The following MDGA2 variants were observed in gnomAD, a reference collection of about 807,000 sequenced individuals.
MDGA2 encodes MAM domain containing glycosylphosphatidylinositol anchor 2, also known as MAM domain-containing glycosylphosphatidylinositol anchor protein 2.
Under a neutral mutation model 117.8 loss-of-function variants are expected in MDGA2, and 40 were observed. That is an observed-to-expected ratio of 0.34 (90% CI 0.26 to 0.44). The LOEUF (loss-of-function observed/expected upper bound fraction) is 0.44. Ranked by LOEUF, MDGA2 falls within the 20% of genes least tolerant of loss-of-function variation. MDGA2 has a pLI of 1.00. For synonymous variants in MDGA2, 452 were observed against 439.0 expected (o/e 1.03, Z -0.37); for missense variants, 1,123 against 1,250.6 (o/e 0.90, Z 1.54).
chr14:46,865,506 G>C (rs1202981607), intron 14 of MDGA2, among the ~76,000 whole-genome samples: 64 of 152,118 alleles, frequency 4.2e-4, no homozygotes, highest in Non-Finnish European at 6.8e-4. Context: ...TCTCTCACCA[G>C]TCCTATTCAA....
chr14:46,839,994 C>G (rs1453395979), downstream of MDGA2: 1 of 152,072 alleles, frequency 6.6e-6, no homozygotes, highest in Non-Finnish European at 1.5e-5. Flanking sequence ...GTATGTGGAG[C>G]ACTGAAGATT....
intron 2 of MDGA2, among the ~76,000 whole-genome samples, chr14:47,243,148 A>G (rs934160963): frequency 7.3e-5 from 11 of 151,700 alleles, no homozygotes; most frequent in African/African-American, 2.7e-4. Flanking sequence ...TGTTTAGCTC[A>G]GGGTTTGTAA....
rs113423334 is a variant in MDGA2 at position 47,125,386 on chromosome 14, C to G, written c.925+6328G>C. ...TTCCTCTAAACATGAAGAGAACTATCATGAATAGATAACAGTATACCAAAG... is the reference window on the plus strand; with the variant it reads ...TTCCTCTAAACATGAAGAGAACTATGATGAATAGATAACAGTATACCAAAG... On this transcript the variant is annotated intron_variant, in intron 5 of 16. Transcript: ENST00000399232. Among the ~76,000 whole-genome samples, 808 of 152,174 alleles carry G rather than the reference C, an allele frequency of 5.3e-3. 5 individuals are homozygous for G. Among genetic ancestry groups the G allele is most frequent in the African/African-American group, 0.019 (769 of 41,532 alleles).
intron 10 of MDGA2, among the ~76,000 whole-genome samples, chr14:46,894,924 A>G (rs1477661182): frequency 6.6e-6 from 1 of 152,190 alleles, no homozygotes; most frequent in East Asian, 1.9e-4. Flanking sequence ...CAGCAGGTGA[A>G]AGGACACCTC....
chr14:47,088,622 C>T (rs1402054443), intron 6 of MDGA2, among the ~76,000 whole-genome samples: 1 of 152,128 alleles, frequency 6.6e-6, no homozygotes, highest in African/African-American at 2.4e-5. Flanking sequence ...TTGATCAAAT[C>T]ATTCTGGGAA....
At chr14:47,403,421 T>C (rs1410568640) in intron 1 of MDGA2, among the ~76,000 whole-genome samples, 2 of 151,914 alleles carry the variant, frequency 1.3e-5, no homozygotes, top group African/African-American at 4.8e-5. Context: ...GAATGTTGGA[T>C]GATCACATTC....
intron 1 of MDGA2, among the ~76,000 whole-genome samples, chr14:47,501,874 A>G (rs1188023667): frequency 6.6e-6 from 1 of 152,196 alleles, no homozygotes; most frequent in Non-Finnish European, 1.5e-5. Flanking sequence ...TCTCGTTTAT[A>G]GTAGTTTTTG....
intron 1 of MDGA2, among the ~76,000 whole-genome samples, chr14:47,596,753 T>A (rs1392002151): frequency 6.6e-6 from 1 of 152,014 alleles, no homozygotes; most frequent in Non-Finnish European, 1.5e-5. Flanking sequence ...GTGGAGTGGT[T>A]TATTTAATTT....
intron 9 of MDGA2, among the ~76,000 whole-genome samples, chr14:46,941,097 A>G (rs1884984962): frequency 6.6e-6 from 1 of 152,204 alleles, no homozygotes; most frequent in African/African-American, 2.4e-5. Context: ...TAGAGCACAA[A>G]TAACTGCTCT....
chr14:47,451,462 G>C (rs1893239351), intron 1 of MDGA2, among the ~76,000 whole-genome samples: 1 of 152,066 alleles, frequency 6.6e-6, no homozygotes, highest in South Asian at 2.1e-4. Context: ...AAGCCACACA[G>C]ATAACAGGAT....
intron 2 of MDGA2, among the ~76,000 whole-genome samples, chr14:47,293,650 G>T (rs1283221798): frequency 6.6e-6 from 1 of 152,096 alleles, no homozygotes; most frequent in African/African-American, 2.4e-5. Context: ...TGTTGTGCTT[G>T]GCACTCTGTT....
At chr14:47,313,546 C>T (rs1889710128) in intron 1 of MDGA2, among the ~76,000 whole-genome samples, 1 of 152,174 alleles carries the variant, frequency 6.6e-6, no homozygotes, top group Admixed American at 6.5e-5. Context: ...ACTCTCCTGC[C>T]TCTGCCTCCC....
chr14:47,225,944 A>G (rs1886479267), intron 2 of MDGA2, among the ~76,000 whole-genome samples: 1 of 152,094 alleles, frequency 6.6e-6, no homozygotes, highest in East Asian at 1.9e-4. Flanking sequence ...GATGCAATTT[A>G]AAATATTTCT....
intron 2 of MDGA2, among the ~76,000 whole-genome samples, chr14:47,278,682 T>G (rs1013801432): frequency 6.6e-6 from 1 of 152,216 alleles, no homozygotes; most frequent in African/African-American, 2.4e-5. Flanking sequence ...TACTATTCAA[T>G]TTTTAAATTT....
chr14:47,063,475 G>C (rs78082112), intron 6 of MDGA2, among the ~76,000 whole-genome samples: 229 of 152,050 alleles, frequency 1.5e-3, no homozygotes, highest in Non-Finnish European at 2.5e-3. Flanking sequence ...GAAATGTGAT[G>C]AAATGTCCAT....
chr14:47,059,215 T>C (rs1386313083), intron 7 of MDGA2: 2 of 914,790 alleles, frequency 2.2e-6, no homozygotes, highest in South Asian at 2.8e-5. Context: ...CCATGTATTG[T>C]TTCGGCTATT....
chr14:47,664,934 A>G (rs1288450018), intron 1 of MDGA2, among the ~76,000 whole-genome samples: 2 of 152,180 alleles, frequency 1.3e-5, no homozygotes, highest in Non-Finnish European at 2.9e-5. Context: ...ACACACACAC[A>G]CTTCAGAATC....
intron 1 of MDGA2, among the ~76,000 whole-genome samples, chr14:47,356,814 A>G (rs919964994): frequency 1.3e-5 from 2 of 152,158 alleles, no homozygotes; most frequent in South Asian, 4.1e-4. Context: ...TAAACTTTGC[A>G]TTCTAAACAC....
chr14:47,615,949 G>A (rs1443601555), intron 1 of MDGA2, among the ~76,000 whole-genome samples: 3 of 152,036 alleles, frequency 2.0e-5, no homozygotes, highest in African/African-American at 7.3e-5. Flanking sequence ...GCATGGGTGG[G>A]GCTGGAAATA....
Sources: gnomAD v4.1 joint callset for allele counts (sites outside exome capture counted in the v4.1 genomes callset) on GRCh38, gnomAD v4.1.1 for gene constraint, MANE v1.5 for transcripts, NCBI Gene and HGNC (gene_info 2026-07-23, HGNC 2026-07-21) for gene names.